AMD1: variants seen among roughly 807,000 people sequenced by gnomAD.
The protein encoded by AMD1 is adenosylmethionine decarboxylase 1.
In AMD1, 11 loss-of-function variants were observed where a neutral mutation model predicts 40.2. The observed-to-expected ratio is 0.27, with a 90% confidence interval of 0.17 to 0.45. The LOEUF (loss-of-function observed/expected upper bound fraction) is 0.45. Ranked by LOEUF, AMD1 falls within the 20% of genes least tolerant of loss-of-function variation. The probability of loss-of-function intolerance (pLI) is 1.00; values close to 1 mark genes in which losing one functional copy is unlikely to be tolerated. For synonymous variants in AMD1, 121 were observed against 130.8 expected, an observed-to-expected ratio of 0.93 and a Z score of 0.51; for missense variants, 257 against 410.2, an observed-to-expected ratio of 0.63 and a Z score of 3.23.
At chr6:110,864,961 C>T in the AMD1 span, among the ~76,000 whole-genome samples, 1 of 152,244 alleles carries the variant, frequency 6.6e-6, no homozygotes, top group African/African-American at 2.4e-5. Flanking sequence ...CAGGGAAACA[C>T]TTCACATCAC....
At chr6:110,815,931 A>T in the AMD1 span, 1 of 152,290 alleles carries the variant, frequency 6.6e-6, no homozygotes, top group Non-Finnish European at 1.5e-5. Context: ...CCCGCTGCTC[A>T]TTGGCGGGGG....
intron 1 of AMD1, among the ~76,000 whole-genome samples, chr6:110,886,602 G>A (rs7775512): frequency 0.7 from 106,977 of 152,026 alleles, 38,316 homozygotes; most frequent in Admixed American, 0.82. Flanking sequence ...ACCACGCCTG[G>A]CCTAAAAAAT....
chr6:110,889,071 T>TAA, intron 3 of AMD1, 88 bp downstream of exon 3: 1 of 1,493,434 alleles, frequency 6.7e-7, no homozygotes, highest in Non-Finnish European at 9.0e-7. Flanking sequence ...TTTATATACT[T>TAA]ACTGCCTTTG....
chr6:110,837,577 G>T, the AMD1 span, among the ~76,000 whole-genome samples: 8 of 150,384 alleles, frequency 5.3e-5, no homozygotes, highest in African/African-American at 2.0e-4. Context: ...CAAGTGTGAT[G>T]GCAGGTGCCT....
At chr6:110,848,755 C>A in the AMD1 span, 3 of 254,064 alleles carry the variant, frequency 1.2e-5, no homozygotes, top group Admixed American at 9.0e-5. Flanking sequence ...CTAAAGCCTG[C>A]AATCTCCACA....
intron 1 of AMD1, among the ~76,000 whole-genome samples, chr6:110,876,405 T>C (rs1054264495): frequency 6.6e-6 from 1 of 152,324 alleles, no homozygotes; most frequent in Non-Finnish European, 1.5e-5. Context: ...ACTCAGAGCC[T>C]GGCCCCAGGG....
At chr6:110,855,495 G>A in the AMD1 span, among the ~76,000 whole-genome samples, 1 of 152,154 alleles carries the variant, frequency 6.6e-6, no homozygotes, top group African/African-American at 2.4e-5. Flanking sequence ...TGACCATCTG[G>A]TGCCTTCCAA....
At chr6:110,851,178 G>A in the AMD1 span, among the ~76,000 whole-genome samples, 1 of 151,950 alleles carries the variant, frequency 6.6e-6, no homozygotes, top group South Asian at 2.1e-4. Context: ...GTTGGCCAGG[G>A]TGGTCTTGAA....
In AMD1 at chr6:110,874,794, G is replaced by A; in HGVS notation, c.-312G>A. ...CTCACGCAGCGCTCTCGCTTACACA[G>A]TATGGCCGGCGACATTAGCTAGCGC... On this transcript the variant is annotated 5_prime_UTR_variant, in exon 1 of 9. Transcript: ENST00000368885. 1 of 279,572 alleles carries A rather than the reference G, an allele frequency of 3.6e-6. No individual in the cohort carries two copies. The highest frequency in any genetic ancestry group is 8.1e-5 in the East Asian group (1 of 12,420). 17.3% of individuals were successfully genotyped at this position (279,572 alleles called of 1,614,324 possible). A position where few individuals can be genotyped will look rare whatever the true frequency, so the allele number is the denominator to read the frequency against.
intron 6 of AMD1, 144 bp downstream of exon 6, chr6:110,892,587 C>T: frequency 2.1e-6 from 3 of 1,396,510 alleles, no homozygotes; most frequent in Admixed American, 2.0e-5. Context: ...TTGTCGTACA[C>T]AGTATTTCGT....
At chr6:110,872,699 T>C (rs1032667049), upstream of AMD1, among the ~76,000 whole-genome samples, 9 of 152,218 alleles carry the variant, frequency 5.9e-5, no homozygotes, top group African/African-American at 2.2e-4. Flanking sequence ...AGAAAAATGA[T>C]ATATTTTACA....
At chr6:110,881,170 T>C (rs1347261966) in intron 1 of AMD1, among the ~76,000 whole-genome samples, 1 of 152,260 alleles carries the variant, frequency 6.6e-6, no homozygotes, top group Non-Finnish European at 1.5e-5. Context: ...TTATATTTAA[T>C]ATTTTAGTAT....
chr6:110,815,144 T>C, the AMD1 span: 2 of 1,587,836 alleles, frequency 1.3e-6, no homozygotes, highest in Non-Finnish European at 1.7e-6. Context: ...CATTGTCTGC[T>C]TCCCCCATAG....
In AMD1 at chr6:110,893,670, A is replaced by G; in HGVS notation, c.*54A>G. 6.3e-7 allele frequency: 1 copy of G among 1,587,256 alleles called. No homozygotes were observed. The highest frequency in any genetic ancestry group is 8.6e-7 in the Non-Finnish European group (1 of 1,168,962). On this transcript the variant is annotated 3_prime_UTR_variant, in exon 9 of 9. Transcript: ENST00000368885. ...AGAGAACACATGTAGAAGGTGGTGG[A>G]TGCTTTCTAGATGTCGATGCTGGGG...
the AMD1 span, among the ~76,000 whole-genome samples, chr6:110,857,785 TAG>T: frequency 6.8e-6 from 1 of 147,268 alleles, no homozygotes; most frequent in African/African-American, 2.5e-5. Context: ...TATATATATA[TAG>T]ATGGTATATA....
rs1786213868 is a variant in AMD1 at position 110,894,686 on chromosome 6, T to C, written c.*1070T>C. 1.3e-5 allele frequency: 2 copies of C among 152,218 alleles called. No individual in the cohort carries two copies. Among genetic ancestry groups the C allele is most frequent in the African/African-American group, 4.8e-5 (2 of 41,458 alleles). 9.4% of individuals were successfully genotyped at this position (152,218 alleles called of 1,614,324 possible). On this transcript the variant is annotated 3_prime_UTR_variant, in exon 9 of 9. Transcript: ENST00000368885. ...CAGCTTGGATCATTCACCTTAACTT[T>C]TCCTTTAGCAGCCATTTCCACTAGT...
the AMD1 span, among the ~76,000 whole-genome samples, chr6:110,846,050 G>A: frequency 1.3e-5 from 2 of 152,152 alleles, no homozygotes; most frequent in African/African-American, 4.8e-5. Flanking sequence ...GACCAGCCTG[G>A]CCAACATGGT....
At chr6:110,822,907 G>T in the AMD1 span, among the ~76,000 whole-genome samples, 4 of 152,060 alleles carry the variant, frequency 2.6e-5, no homozygotes. Context: ...CTGGAGGTCG[G>T]GAGTTCAAGA....
chr6:110,867,117 A>C, the AMD1 span, among the ~76,000 whole-genome samples: 2 of 149,746 alleles, frequency 1.3e-5, no homozygotes, highest in Non-Finnish European at 3.0e-5. Context: ...CTGGCCCAAC[A>C]ACACTTTCTA....
Sources: allele counts gnomAD v4.1 joint callset (sites outside exome capture counted in the v4.1 genomes callset), GRCh38; gene constraint gnomAD v4.1.1; transcripts MANE v1.5; gene names NCBI Gene and HGNC (gene_info 2026-07-23, HGNC 2026-07-21).